Variants in ZMAT5 observed in about 807,000 individuals in gnomAD.
ZMAT5 encodes the protein zinc finger matrin-type 5, also known as zinc finger matrin-type protein 5.
A neutral mutation model predicts 28.0 loss-of-function variants in ZMAT5; 23 were observed. The observed-to-expected ratio is 0.82, with a 90% CI of 0.59 to 1.16. ZMAT5 has a LOEUF of 1.16. ZMAT5 is among the 50% of genes most tolerant of loss of function. ZMAT5 has a pLI of 0.00. For synonymous variants in ZMAT5, 76 were observed against 84.1 expected (o/e 0.90, Z 0.52); for missense variants, 173 against 212.7 (o/e 0.81, Z 1.16).
chr22:29,759,843 AT>A (rs1388061314), intron 1 of ZMAT5, among the ~76,000 whole-genome samples: 3 of 151,782 alleles, frequency 2.0e-5, no homozygotes, highest in Non-Finnish European at 4.4e-5. Context: ...AGGCGGGCAG[AT>A]TACCTGAGGT....
chr22:29,740,666 C>T lies in ZMAT5; in HGVS notation c.255G>A (p.Leu85=). The change falls in exon 4 of 6, where the codon CTG becomes CTA. Residue 85 remains leucine (L), a synonymous_variant. Coordinates refer to ENST00000344318, the MANE Select transcript of ZMAT5 (RefSeq NM_001003692.2). ...GAGACGTACCCTCCACCTGGATGCT[C>T]AGCTCCTGCAGGTCTCGCTCTGACA... The part of the protein sequence containing the change: ...SHMSERDLQE[L]SIQVEEERRA... 1 of 1,603,074 alleles carries T rather than the reference C, an allele frequency of 6.2e-7. No individual in the cohort carries two copies. The highest frequency in any genetic ancestry group is 8.5e-7 in the Non-Finnish European group (1 of 1,175,148).
intron 5 of ZMAT5, among the ~76,000 whole-genome samples, chr22:29,737,095 C>T (rs1022540118): frequency 7.3e-5 from 11 of 150,506 alleles, no homozygotes; most frequent in African/African-American, 2.7e-4. Context: ...TTTGGGAGGC[C>T]GAGGCAGGCG....
intron 3 of ZMAT5, among the ~76,000 whole-genome samples, chr22:29,741,750 A>G (rs2067964781): frequency 1.3e-5 from 2 of 152,062 alleles, no homozygotes; most frequent in South Asian, 4.1e-4. Context: ...CCTGGGCTCA[A>G]GTGATCCTCC....
chr22:29,757,916 C>G (rs2068118550), intron 1 of ZMAT5, among the ~76,000 whole-genome samples: 1 of 151,982 alleles, frequency 6.6e-6, no homozygotes, highest in Non-Finnish European at 1.5e-5. Flanking sequence ...ACTTGGGAGG[C>G]TGAGGCAGGA....
At chr22:29,762,071 AC>A (rs2068162440) in intron 1 of ZMAT5, among the ~76,000 whole-genome samples, 1 of 152,118 alleles carries the variant, frequency 6.6e-6, no homozygotes, top group South Asian at 2.1e-4. Context: ...TTTTGTAGTA[AC>A]TCTTTACTCT....
At chr22:29,764,045 C>T (rs2068184847) in intron 1 of ZMAT5, among the ~76,000 whole-genome samples, 1 of 151,920 alleles carries the variant, frequency 6.6e-6, no homozygotes, top group Admixed American at 6.6e-5. Flanking sequence ...TTGCTTGAGC[C>T]CAGGAGTTCC....
chr22:29,739,599 C>A (rs1323527428), intron 4 of ZMAT5, among the ~76,000 whole-genome samples: 1 of 152,238 alleles, frequency 6.6e-6, no homozygotes, highest in Non-Finnish European at 1.5e-5. Flanking sequence ...TGTTCCCAGC[C>A]TCCCTGGGCC....
chr22:29,746,215 C>T (rs753832215), intron 2 of ZMAT5: 1 of 152,012 alleles, frequency 6.6e-6, no homozygotes, highest in Non-Finnish European at 1.5e-5. Context: ...GTGGTGTGAT[C>T]TCAGTTCACT....
chr22:29,765,804 G>A (rs993951689), intron 1 of ZMAT5, among the ~76,000 whole-genome samples: 4 of 152,228 alleles, frequency 2.6e-5, no homozygotes, highest in Admixed American at 2.0e-4. Flanking sequence ...GGAGGCGGAG[G>A]TTGCAGTAAG....
intron 3 of ZMAT5, among the ~76,000 whole-genome samples, chr22:29,741,118 C>T (rs888532292): frequency 7.9e-5 from 12 of 152,212 alleles, no homozygotes; most frequent in Admixed American, 2.0e-4. Flanking sequence ...AGCCGCAGCA[C>T]GTGCTATGCC....
At chr22:29,750,738 C>T (rs1424479927) in intron 1 of ZMAT5, among the ~76,000 whole-genome samples, 1 of 152,220 alleles carries the variant, frequency 6.6e-6, no homozygotes, top group African/African-American at 2.4e-5. Context: ...TCCGGGCTAG[C>T]AGCCAAAGCC....
At chr22:29,741,726 T>C (rs1045555209) in intron 3 of ZMAT5, among the ~76,000 whole-genome samples, 2 of 152,162 alleles carry the variant, frequency 1.3e-5, no homozygotes, top group African/African-American at 2.4e-5. Flanking sequence ...CATAGCTCAC[T>C]GCAGCCTTGA....
chr22:29,750,642 G>A (rs1340569022), intron 1 of ZMAT5, among the ~76,000 whole-genome samples: 2 of 152,208 alleles, frequency 1.3e-5, no homozygotes. Flanking sequence ...TGCTCACCCT[G>A]TGGTCAGACC....
intron 1 of ZMAT5, among the ~76,000 whole-genome samples, chr22:29,756,118 G>A (rs1309780455): frequency 6.6e-6 from 1 of 152,228 alleles, no homozygotes; most frequent in Non-Finnish European, 1.5e-5. Flanking sequence ...AATTATCCTG[G>A]ACTTGTGCTC....
intron 1 of ZMAT5, among the ~76,000 whole-genome samples, chr22:29,752,126 G>A (rs569298747): frequency 5.9e-5 from 9 of 152,264 alleles, no homozygotes; most frequent in African/African-American, 2.2e-4. Flanking sequence ...CAGGTGCCAT[G>A]AGGGGCCCCA....
At position 29,741,007 on chromosome 22, in the gene ZMAT5, G is replaced by A. The variant is rs529921682; in HGVS notation, c.191-277C>T. Among the ~76,000 whole-genome samples, 6 of 152,242 alleles carry A rather than the reference G, an allele frequency of 3.9e-5. No homozygotes were observed. The South Asian group carries it at 8.3e-4, about 21-fold the overall frequency. ...CTGAAGCCTGTCATGACTGGGCCTC[G>A]CAAGCCTCTGCAGGCTGTCTCTGTC... On this transcript the variant is annotated intron_variant, in intron 3 of 5. Transcript: ENST00000344318.
intron 1 of ZMAT5, among the ~76,000 whole-genome samples, chr22:29,759,598 CT>C (rs1457197905): frequency 1.3e-5 from 2 of 151,950 alleles, no homozygotes; most frequent in African/African-American, 4.8e-5. Context: ...GACCCCGTCT[CT>C]AAAAAAAAAT....
At chr22:29,764,965 C>T (rs762467415) in intron 1 of ZMAT5, among the ~76,000 whole-genome samples, 13 of 152,150 alleles carry the variant, frequency 8.5e-5, no homozygotes, top group Non-Finnish European at 1.2e-4. Context: ...CACCCCTATC[C>T]GGATGACTCT....
rs1360236922 is a variant in ZMAT5, at chr22:29,766,991, T to A, written c.-147A>T. Reference sequence around the variant, plus strand: ...GCAGCTCCGGGCTCCTCCTCCTGCGTCCTCGCGTCGCGTACTGCTTGCTGG... The same window carrying A: ...GCAGCTCCGGGCTCCTCCTCCTGCGACCTCGCGTCGCGTACTGCTTGCTGG... On this transcript the variant is annotated 5_prime_UTR_variant, in exon 1 of 6. Coordinates refer to ENST00000344318, the MANE Select transcript of ZMAT5 (RefSeq NM_001003692.2). 1.3e-5 allele frequency: 2 copies of A among 158,364 alleles called. No homozygotes were observed. Among genetic ancestry groups the A allele is most frequent in the African/African-American group, 4.8e-5 (2 of 41,546 alleles). The allele number at this position is 158,364 out of a possible 1,614,324, so 9.8% of individuals were successfully genotyped here.
Sources: allele counts gnomAD v4.1 joint callset (sites outside exome capture counted in the v4.1 genomes callset), GRCh38; gene constraint gnomAD v4.1.1; transcripts MANE v1.5; gene names NCBI Gene and HGNC (gene_info 2026-07-23, HGNC 2026-07-21).